Variants in ANKRD6 observed in about 807,000 individuals in gnomAD.
The protein encoded by ANKRD6 is ankyrin repeat domain 6.
In ANKRD6, 56 loss-of-function variants were observed where a neutral mutation model predicts 82.3. The observed-to-expected ratio is 0.68, with a 90% CI of 0.55 to 0.85. ANKRD6 has a LOEUF of 0.85. Ranked by LOEUF, ANKRD6 falls within the 40% of genes least tolerant of loss-of-function variation. The pLI, the probability that ANKRD6 is intolerant of heterozygous loss-of-function variation, is 0.00. For missense variants in ANKRD6, 852 were observed against 907.6 expected (o/e 0.94, Z 0.79); for synonymous variants, 347 against 352.1 (o/e 0.99, Z 0.16).
intron 1 of ANKRD6, chr6:89,505,134 G>A (rs1011304653): frequency 3.9e-5 from 6 of 152,158 alleles, no homozygotes; most frequent in African/African-American, 1.4e-4. Context: ...ACCATCCTGG[G>A]GCTATGCTGG....
intron 1 of ANKRD6, among the ~76,000 whole-genome samples, chr6:89,462,631 A>G (rs1443503034): frequency 6.6e-6 from 1 of 152,220 alleles, no homozygotes; most frequent in African/African-American, 2.4e-5. Flanking sequence ...TGGGTTTCAT[A>G]TGCCTCTGTT....
In ANKRD6 at chr6:89,596,055, G is replaced by A. The variant is rs201758972; in HGVS notation, c.219+41G>A. On this transcript the variant is annotated intron_variant, in intron 3 of 15. Coordinates refer to ENST00000339746, the MANE Select transcript of ANKRD6 (RefSeq NM_001242809.2). Reference sequence around the variant, plus strand: ...CATTCTATCAGGCTGAGTTGGCAGGGGAGGTTTTCTGGCTAGAAATCCACA... The same window carrying A: ...CATTCTATCAGGCTGAGTTGGCAGGAGAGGTTTTCTGGCTAGAAATCCACA... 14 of 1,547,776 alleles carry A rather than the reference G, an allele frequency of 9.0e-6. No individual in the cohort carries two copies. In the Admixed American group the frequency reaches 1.5e-4, roughly 17 times the overall value.
At chr6:89,624,241 G>T (rs1268467439) in intron 12 of ANKRD6, among the ~76,000 whole-genome samples, 184 bp downstream of exon 12, 2 of 152,192 alleles carry the variant, frequency 1.3e-5, no homozygotes, top group African/African-American at 4.8e-5. Flanking sequence ...TAAGGCCAAG[G>T]CAGACAGGGT....
At chr6:89,625,960 C>T (rs777408005) in intron 13 of ANKRD6, among the ~76,000 whole-genome samples, 3 of 152,114 alleles carry the variant, frequency 2.0e-5, no homozygotes, top group Non-Finnish European at 2.9e-5. Flanking sequence ...GTGTCAAACT[C>T]CTGGGCTCAA....
chr6:89,494,502 T>G (rs1778375765), intron 1 of ANKRD6, among the ~76,000 whole-genome samples: 1 of 152,202 alleles, frequency 6.6e-6, no homozygotes, highest in Non-Finnish European at 1.5e-5. Flanking sequence ...AGGAGAAGTC[T>G]CTGTCACAAT....
At chr6:89,458,752 C>A (rs1051528730) in intron 1 of ANKRD6, among the ~76,000 whole-genome samples, 1 of 152,212 alleles carries the variant, frequency 6.6e-6, no homozygotes, top group African/African-American at 2.4e-5. Flanking sequence ...TTAATCTCCT[C>A]TGGCAACACA....
At position 89,607,946 on chromosome 6, in the gene ANKRD6, T is replaced by C. The variant is rs200380813; in HGVS notation, c.417+1841T>C. On this transcript the variant is annotated intron_variant, in intron 5 of 15. Transcript: ENST00000339746. The stretch of plus-strand genomic sequence containing the variant: ...TGCCCCCACGCCTGGCTAATTTTTC[T>C]ATTTTTAGTAGAGATGGGGTTTCAC... Among the ~76,000 whole-genome samples the C allele has an allele frequency of 5.3e-5, 5 of 93,868 alleles. 1 individual carries two copies. The highest frequency in any genetic ancestry group is 2.1e-4 in the African/African-American group (4 of 18,662). 61.6% of individuals were successfully genotyped at this position (93,868 alleles called of 152,430 possible).
At position 89,557,851 on chromosome 6, in the gene ANKRD6, A is replaced by G. The variant is rs182781839; in HGVS notation, c.-143-8983A>G. On this transcript the variant is annotated intron_variant, in intron 1 of 15. Transcript: ENST00000339746. ...ACTGCACATGTAAGGGATCTGGGTC[A>G]TGTTCTCCTTATGAAAATCTAATGC... is the stretch of plus-strand genomic sequence containing the variant. 2.3e-3 allele frequency among the ~76,000 whole-genome samples: 351 copies of G among 151,964 alleles called. 1 individual carries two copies. The highest frequency in any genetic ancestry group is 8.2e-3 in the African/African-American group (340 of 41,438).
intron 2 of ANKRD6, among the ~76,000 whole-genome samples, chr6:89,568,869 T>A (rs1044606460): frequency 6.6e-6 from 1 of 151,726 alleles, no homozygotes; most frequent in Non-Finnish European, 1.5e-5. Flanking sequence ...AGAAGACTAA[T>A]ATAAGCACAT....
At chr6:89,577,818 A>G (rs189868706) in intron 2 of ANKRD6, among the ~76,000 whole-genome samples, 97 of 152,342 alleles carry the variant, frequency 6.4e-4, no homozygotes, top group African/African-American at 2.3e-3. Flanking sequence ...TCCTGTCTCA[A>G]AAAACAAAAC....
At chr6:89,496,176 G>GC (rs368122603) in intron 1 of ANKRD6, among the ~76,000 whole-genome samples, 5,962 of 137,940 alleles carry the variant, frequency 0.043, 147 homozygotes, top group African/African-American at 0.066. Context: ...TTTCCACACT[G>GC]CCCCCCCCCC....
At chr6:89,509,175 T>G (rs1780233970) in intron 1 of ANKRD6, 1 of 152,324 alleles carries the variant, frequency 6.6e-6, no homozygotes, top group African/African-American at 2.4e-5. Flanking sequence ...TCCTGATGTC[T>G]TGCTGGCAGC....
intron 5 of ANKRD6, among the ~76,000 whole-genome samples, chr6:89,609,358 A>G (rs1410553678): frequency 6.6e-6 from 1 of 151,814 alleles, no homozygotes; most frequent in Non-Finnish European, 1.5e-5. Context: ...CTGGAGTGCA[A>G]TGGCTCAATC....
chr6:89,627,369 T>C (rs1806056840), intron 13 of ANKRD6, among the ~76,000 whole-genome samples: 1 of 152,200 alleles, frequency 6.6e-6, no homozygotes, highest in Admixed American at 6.5e-5. Context: ...ACAAATAAGA[T>C]TTTTTAAAAA....
chr6:89,461,288 C>G (rs1441838029), intron 1 of ANKRD6, among the ~76,000 whole-genome samples: 1 of 152,122 alleles, frequency 6.6e-6, no homozygotes, highest in Non-Finnish European at 1.5e-5. Flanking sequence ...AGAAACTGAA[C>G]TTTTTGAAAT....
chr6:89,458,470 G>A (rs575654813), intron 1 of ANKRD6, among the ~76,000 whole-genome samples: 1 of 152,330 alleles, frequency 6.6e-6, no homozygotes, highest in South Asian at 2.1e-4. Flanking sequence ...TAGGGAAGTT[G>A]ACAGTGCAGC....
At chr6:89,440,580 C>T (rs911338731) in intron 1 of ANKRD6, among the ~76,000 whole-genome samples, 1 of 152,112 alleles carries the variant, frequency 6.6e-6, no homozygotes, top group Non-Finnish European at 1.5e-5. Flanking sequence ...AATCCTTATG[C>T]CAAAGTGGCA....
chr6:89,628,043 G>T (rs910667849), intron 14 of ANKRD6, among the ~76,000 whole-genome samples: 1 of 152,122 alleles, frequency 6.6e-6, no homozygotes, highest in African/African-American at 2.4e-5. Context: ...ACCAAGATAA[G>T]AGACATGGAA....
chr6:89,595,512 G>C (rs1795712706), intron 2 of ANKRD6, among the ~76,000 whole-genome samples: 1 of 151,948 alleles, frequency 6.6e-6, no homozygotes, highest in Non-Finnish European at 1.5e-5. Context: ...ACTCCTCTGG[G>C]GCTGATGACC....
Sources: gnomAD v4.1 joint callset for allele counts (sites outside exome capture counted in the v4.1 genomes callset) on GRCh38, gnomAD v4.1.1 for gene constraint, MANE v1.5 for transcripts, NCBI Gene and HGNC (gene_info 2026-07-23, HGNC 2026-07-21) for gene names.